CYP7B1: variants seen among roughly 807,000 people sequenced by gnomAD.
CYP7B1 encodes cytochrome P450 family 7 subfamily B member 1.
A neutral mutation model predicts 42.7 loss-of-function variants in CYP7B1; 29 were observed. The ratio of observed to expected loss-of-function variants is 0.68; its 90% CI spans 0.51 to 0.93. The LOEUF (loss-of-function observed/expected upper bound fraction) is 0.93. Ranked by LOEUF, CYP7B1 falls within the 40% of genes least tolerant of loss-of-function variation. CYP7B1 has a pLI of 0.00. For missense variants in CYP7B1, 655 were observed against 600.5 expected, an observed-to-expected ratio of 1.09 and a Z score of -0.95; for synonymous variants, 235 against 218.2, an observed-to-expected ratio of 1.08 and a Z score of -0.68.
chr8:64,706,134 G>A (rs1414109664), intron 1 of CYP7B1, among the ~76,000 whole-genome samples: 1 of 151,874 alleles, frequency 6.6e-6, no homozygotes, highest in Non-Finnish European at 1.5e-5. Flanking sequence ...TAAGATTTCA[G>A]GCTTATGATA....
At chr8:64,739,163 C>T (rs528957013) in intron 1 of CYP7B1, among the ~76,000 whole-genome samples, 2 of 152,302 alleles carry the variant, frequency 1.3e-5, no homozygotes, top group Admixed American at 1.3e-4. Flanking sequence ...CTTTCTCTAG[C>T]TTTTCTGTCT....
chr8:64,725,351 T>C (rs950761542), intron 1 of CYP7B1, among the ~76,000 whole-genome samples: 2 of 152,254 alleles, frequency 1.3e-5, no homozygotes, highest in African/African-American at 4.8e-5. Context: ...TGTCCACTTC[T>C]ACACTTGCTT....
At chr8:64,628,367 G>C (rs1052042216) in intron 1 of CYP7B1, among the ~76,000 whole-genome samples, 1 of 152,170 alleles carries the variant, frequency 6.6e-6, no homozygotes, top group Non-Finnish European at 1.5e-5. Context: ...AAATTTTGGA[G>C]ACGGGGAGTG....
At position 64,798,499 on chromosome 8, in the gene CYP7B1, A is replaced by C; in HGVS notation, c.89T>G (p.Leu30Arg). The change falls in exon 1 of 6, where the codon CTC becomes CGC. Residue 30 changes from leucine to arginine, a missense_variant. Physicochemically the swap from Leu to Arg is moderately radical, Grantham distance 102 (BLOSUM62 -2). Coordinates refer to ENST00000310193, the MANE Select transcript of CYP7B1 (RefSeq NM_004820.5). ...CCGGACAAGCAAGCAGAGGGCCAGGAGCAGCAGGGCCGCGGCGAGGGCCAG... is the reference window on the plus strand; with the variant it reads ...CCGGACAAGCAAGCAGAGGGCCAGGCGCAGCAGGGCCGCGGCGAGGGCCAG... ...PGLALAAALL[L>R]LALCLLVRRT... 2.6e-6 allele frequency: 4 copies of C among 1,511,992 alleles called. No homozygotes were observed. The highest frequency in any genetic ancestry group is 3.5e-6 in the Non-Finnish European group (4 of 1,138,798). 93.7% of individuals were successfully genotyped at this position (1,511,992 alleles called of 1,614,324 possible). A position where few individuals can be genotyped will look rare whatever the true frequency, so the allele number is the denominator to read the frequency against.
chr8:64,764,976 GAA>G (rs569191280), intron 1 of CYP7B1, among the ~76,000 whole-genome samples: 44 of 128,798 alleles, frequency 3.4e-4, no homozygotes, highest in Middle Eastern at 4.0e-3. Flanking sequence ...GGTGATTGAG[GAA>G]AAAAAAAAAA....
chr8:64,657,326 T>A (rs1806135282), intron 1 of CYP7B1, among the ~76,000 whole-genome samples: 1 of 152,126 alleles, frequency 6.6e-6, no homozygotes, highest in South Asian at 2.1e-4. Context: ...GCAATGAGGA[T>A]CCATTTTTCC....
At chr8:64,727,717 G>GT (rs956580730) in intron 1 of CYP7B1, among the ~76,000 whole-genome samples, 2 of 152,050 alleles carry the variant, frequency 1.3e-5, no homozygotes, top group African/African-American at 4.8e-5. Context: ...ACAATCTAAA[G>GT]TTTTTTTAGA....
At chr8:64,657,926 T>C (rs1806145426) in intron 1 of CYP7B1, among the ~76,000 whole-genome samples, 1 of 152,200 alleles carries the variant, frequency 6.6e-6, no homozygotes, top group African/African-American at 2.4e-5. Flanking sequence ...TTACTTCTCA[T>C]AGTTCTGGAG....
intron 1 of CYP7B1, among the ~76,000 whole-genome samples, chr8:64,703,296 G>A (rs1806945010): frequency 6.6e-6 from 1 of 151,886 alleles, no homozygotes; most frequent in African/African-American, 2.4e-5. Context: ...TAGTTGCTAA[G>A]ATAAATTATC....
Position 64,644,826 on chromosome 8 carries a change from T to C in CYP7B1, c.123-20287A>G, listed in dbSNP as rs565478590. On this transcript the variant is annotated intron_variant, in intron 1 of 5. Transcript: ENST00000310193. ...GCACAATGTGCAGGTTTGTTACATA[T>C]GTATACATGTGCCATGCTGGTGTGC... Among the ~76,000 whole-genome samples, 17 of 152,046 alleles carry C rather than the reference T, an allele frequency of 1.1e-4. No individual in the cohort carries two copies. In the South Asian group the frequency reaches 3.5e-3, roughly 32 times the overall value.
chr8:64,645,744 A>G (rs77208587), intron 1 of CYP7B1, among the ~76,000 whole-genome samples: 1 of 152,128 alleles, frequency 6.6e-6, no homozygotes, highest in Non-Finnish European at 1.5e-5. Context: ...CGCCAAGCCA[A>G]TCCTAAGCCA....
intron 1 of CYP7B1, among the ~76,000 whole-genome samples, chr8:64,711,403 C>G (rs1288221134): frequency 2.6e-5 from 4 of 152,202 alleles, no homozygotes; most frequent in Non-Finnish European, 5.9e-5. Context: ...GAGAAGCCCA[C>G]CACCGCTGCT....
chr8:64,774,202 C>T (rs1361390892), intron 1 of CYP7B1, among the ~76,000 whole-genome samples: 2 of 152,188 alleles, frequency 1.3e-5, no homozygotes, highest in Non-Finnish European at 2.9e-5. Context: ...TCCTGATTAC[C>T]TAGCATATCA....
chr8:64,591,746 T>A lies in CYP7B1; in HGVS notation c.*4896A>T, dbSNP rs996498288. 3.0e-4 allele frequency among the ~76,000 whole-genome samples: 45 copies of A among 152,324 alleles called. No homozygotes were observed. Among genetic ancestry groups the A allele is most frequent in the African/African-American group, 1.1e-3 (45 of 41,568 alleles). ...CTTCTAGGTTGCTTATAAGCATGCC[T>A]GATTTAGTGATAGGTAGCTTTTTCT... On this transcript the variant is annotated 3_prime_UTR_variant, in exon 6 of 6. Transcript: ENST00000310193.
chr8:64,647,755 C>T (rs575482447), intron 1 of CYP7B1, among the ~76,000 whole-genome samples: 12 of 152,170 alleles, frequency 7.9e-5, no homozygotes, highest in South Asian at 6.2e-4. Context: ...CTCAATGTAC[C>T]GGATGATGCC....
At chr8:64,678,880 G>GTTGT (rs1236009662) in intron 1 of CYP7B1, among the ~76,000 whole-genome samples, 1 of 101,504 alleles carries the variant, frequency 9.9e-6, no homozygotes, top group African/African-American at 3.4e-5. Flanking sequence ...AAACATCAAT[G>GTTGT]CTGTGTGTGT....
At chr8:64,784,565 C>A (rs1200223155) in intron 1 of CYP7B1, among the ~76,000 whole-genome samples, 1 of 152,240 alleles carries the variant, frequency 6.6e-6, no homozygotes, top group East Asian at 1.9e-4. Context: ...CTGGTACTGG[C>A]ACATACTTAA....
chr8:64,795,302 A>C (rs1804687849), intron 1 of CYP7B1, among the ~76,000 whole-genome samples: 1 of 152,262 alleles, frequency 6.6e-6, no homozygotes, highest in African/African-American at 2.4e-5. Flanking sequence ...GTAGGAACTG[A>C]CTAGAAAGGA....
chr8:64,667,513 A>G (rs1479796690), intron 1 of CYP7B1, among the ~76,000 whole-genome samples: 3 of 152,204 alleles, frequency 2.0e-5, no homozygotes, highest in African/African-American at 4.8e-5. Context: ...GTGACCTTTA[A>G]AAATCTTGGG....
Sources: allele counts gnomAD v4.1 joint callset (sites outside exome capture counted in the v4.1 genomes callset), GRCh38; gene constraint gnomAD v4.1.1; transcripts MANE v1.5; gene names NCBI Gene and HGNC (gene_info 2026-07-23, HGNC 2026-07-21).